Variants in NECAB3 observed in about 807,000 individuals in gnomAD.
NECAB3 encodes the protein N-terminal EF-hand calcium binding protein 3, also known as N-terminal EF-hand calcium-binding protein 3.
NECAB3 carries 38 observed loss-of-function variants against 57.2 expected under a neutral mutation model. The observed-to-expected ratio is 0.66, with a 90% CI of 0.51 to 0.87. The LOEUF (loss-of-function observed/expected upper bound fraction) is 0.87. NECAB3 is among the 40% of genes least tolerant of loss of function. NECAB3 has a pLI of 0.00. For missense variants in NECAB3, 474 were observed against 527.5 expected (o/e 0.90, Z 0.99); for synonymous variants, 223 against 222.6 (o/e 1.00, Z -0.02).
At chr20:33,667,273 TG>T (rs1341168678) in intron 5 of NECAB3, 1 of 475,642 alleles carries the variant, frequency 2.1e-6, no homozygotes, top group African/African-American at 2.0e-5. Context: ...AGCGCCGGGC[TG>T]CGAGCTGGCG....
intron 5 of NECAB3, among the ~76,000 whole-genome samples, chr20:33,663,001 T>A (rs1202351063): frequency 6.6e-6 from 1 of 152,132 alleles, no homozygotes; most frequent in African/African-American, 2.4e-5. Flanking sequence ...TGGATGAGAC[T>A]TGAGAGCCCC....
Position 33,660,461 on chromosome 20 carries a change from T to G in NECAB3, c.388-66A>C. ...GCACTGATCTCTTGAGTGGGTCCCC[T>G]GCCTCTTGCCCATCAGAGCAGCGGT... On this transcript the variant is annotated intron_variant, in intron 5 of 11. Transcript: ENST00000246190. The surrounding 1 kb of genome is among the most constrained non-coding windows in gnomAD (Gnocchi z 4.1). 1 of 1,582,044 alleles carries G rather than the reference T, an allele frequency of 6.3e-7. No homozygotes were observed. The highest frequency in any genetic ancestry group is 8.6e-7 in the Non-Finnish European group (1 of 1,160,056).
At chr20:33,662,597 G>C in intron 5 of NECAB3, 1 of 1,130,860 alleles carries the variant, frequency 8.8e-7, no homozygotes, top group Non-Finnish European at 1.2e-6. Context: ...GGGTGAGGGA[G>C]GAATTCGAAA....
intron 5 of NECAB3, chr20:33,665,705 G>A (rs952808306): frequency 1.3e-5 from 2 of 152,242 alleles, no homozygotes; most frequent in African/African-American, 4.8e-5. Context: ...CCTGTGTGGG[G>A]GGATTATTAC....
At chr20:33,667,058 G>A (rs13042844) in intron 5 of NECAB3, 3 of 164,606 alleles carry the variant, frequency 1.8e-5, no homozygotes, top group Admixed American at 6.4e-5. Flanking sequence ...GGAGCCTTCA[G>A]CCCCGCGGCT....
At chr20:33,670,917 G>A (rs2122520344) in intron 2 of NECAB3, 125 bp from the exon 3 acceptor site, 1 of 645,310 alleles carries the variant, frequency 1.5e-6, no homozygotes, top group Non-Finnish European at 2.7e-6. Context: ...AGGTGAGATG[G>A]GAGTCTGAGG....
chr20:33,658,902 C>A (rs1292931007), intron 8 of NECAB3, 68 bp from the exon 9 acceptor site: 1 of 1,134,406 alleles, frequency 8.8e-7, no homozygotes, highest in Non-Finnish European at 1.3e-6. Context: ...CTGTGGCCTC[C>A]AGGAGGTTCT....
At position 33,667,539 on chromosome 20, in the gene NECAB3, G is replaced by A; in HGVS notation, c.387+1836C>T. On this transcript the variant is annotated intron_variant, in intron 5 of 11. Transcript: ENST00000246190. Reference sequence around the variant, plus strand: ...TGCTGGCGCTCTGCTCCACCGGCGCGTTCAGCGGGCTGGCCGTGGAGGCGG... The same window carrying A: ...TGCTGGCGCTCTGCTCCACCGGCGCATTCAGCGGGCTGGCCGTGGAGGCGG... The A allele has an allele frequency of 6.5e-6, 10 of 1,544,526 alleles. No homozygotes were observed. In the East Asian group the frequency reaches 2.4e-4, roughly 37 times the overall value.
At chr20:33,666,974 G>A (rs2017673520) in intron 5 of NECAB3, 1 of 153,736 alleles carries the variant, frequency 6.5e-6, no homozygotes, top group African/African-American at 2.4e-5. Flanking sequence ...CAGAGCCAAA[G>A]GCTGAAGGGG....
Position 33,668,117 on chromosome 20 carries a change from T to C in NECAB3, c.387+1258A>G, listed in dbSNP as rs774636319. On this transcript the variant is annotated intron_variant, in intron 5 of 11. Coordinates refer to ENST00000246190, the MANE Select transcript of NECAB3 (RefSeq NM_031232.4). ...CTGGTGGCCAAGCATGGGCGTGGCA[T>C]GGCTGTGTGGACCGGCGGCTCCATG... The C allele has an allele frequency of 3.1e-6, 5 of 1,610,520 alleles. No individual in the cohort carries two copies. The highest frequency in any genetic ancestry group is 1.3e-5 in the African/African-American group (1 of 74,876).
At chr20:33,671,391 G>A (rs755612863) in intron 2 of NECAB3, among the ~76,000 whole-genome samples, 5 of 152,144 alleles carry the variant, frequency 3.3e-5, no homozygotes, top group African/African-American at 4.8e-5. Flanking sequence ...GAGCAGATGG[G>A]TGCGGGGAGC....
At chr20:33,663,772 T>C (rs2017568186) in intron 5 of NECAB3, 39 of 1,433,494 alleles carry the variant, frequency 2.7e-5, no homozygotes, top group Non-Finnish European at 3.4e-5. Flanking sequence ...GCGGCTGCTC[T>C]CGCGCTTCCG....
intron 5 of NECAB3, chr20:33,667,829 G>A (rs748334065): frequency 3.1e-6 from 5 of 1,611,714 alleles, no homozygotes; most frequent in Non-Finnish European, 4.2e-6. Flanking sequence ...GTGGGTAACG[G>A]GTGCTGCGTC....
intron 5 of NECAB3, 149 bp downstream of exon 5, chr20:33,669,226 G>A (rs2017771491): frequency 4.3e-6 from 3 of 703,332 alleles, no homozygotes; most frequent in Non-Finnish European, 7.2e-6. Context: ...GCCCAGAGAG[G>A]TCAAGGGGCA....
In NECAB3 at chr20:33,657,935, C is replaced by T. The variant is rs372436377; in HGVS notation, c.1162+7G>A. The T allele has an allele frequency of 6.6e-5, 103 of 1,554,094 alleles. No homozygotes were observed. The African/African-American group carries it at 1.3e-3, about 20-fold the overall frequency. On this transcript the variant is annotated splice_region_variant and intron_variant, in intron 11 of 11. Transcript: ENST00000246190. ...AGGGCCACAGTGAGTGGGGGTCCAC[C>T]GCATACCTGGGAAGAACACAGTGGT... is the stretch of plus-strand genomic sequence containing the variant.
intron 5 of NECAB3, chr20:33,668,232 C>A: frequency 6.3e-7 from 1 of 1,579,726 alleles, no homozygotes; most frequent in Non-Finnish European, 8.6e-7. Flanking sequence ...ATGTGTTCAA[C>A]TGAGTCAGGC....
intron 5 of NECAB3, chr20:33,663,916 G>A (rs1166106888): frequency 5.9e-6 from 8 of 1,352,984 alleles, no homozygotes; most frequent in South Asian, 1.7e-5. Context: ...CAACCCTGGC[G>A]CCTGCGAACC....
intron 5 of NECAB3, 21 bp downstream of exon 5, chr20:33,669,351 CCCA>C (rs1026707917): frequency 2.5e-6 from 4 of 1,609,518 alleles, no homozygotes; most frequent in African/African-American, 1.3e-5. Flanking sequence ...CAGTGGATCC[CCCA>C]CCATCAGCCA....
chr20:33,669,300 CTG>C, intron 5 of NECAB3, 73 bp downstream of exon 5: 1 of 1,490,114 alleles, frequency 6.7e-7, no homozygotes, highest in Non-Finnish European at 9.3e-7. Context: ...TGAGTCAAGA[CTG>C]TGGAGGATCC....
Sources: allele counts gnomAD v4.1 joint callset (sites outside exome capture counted in the v4.1 genomes callset), GRCh38; gene constraint gnomAD v4.1.1; non-coding constraint Gnocchi (gnomAD v3.1); transcripts MANE v1.5; gene names NCBI Gene and HGNC (gene_info 2026-07-23, HGNC 2026-07-21).